DNAH2: variants seen among roughly 807,000 people sequenced by gnomAD.
The protein encoded by DNAH2 is axonemal beta dynein heavy chain 2.
DNAH2 carries 323 observed loss-of-function variants against 523.5 expected under a neutral mutation model. The observed-to-expected ratio is 0.62, with a 90% CI of 0.56 to 0.68. The LOEUF (loss-of-function observed/expected upper bound fraction) is 0.68, where lower values mean the gene tolerates loss of function less well. Ranked by LOEUF, DNAH2 falls within the 30% of genes least tolerant of loss-of-function variation. The pLI is 0.00. For missense variants in DNAH2, 4,907 were observed against 5,701.5 expected, an observed-to-expected ratio of 0.86 and a Z score of 4.49; for synonymous variants, 2,093 against 2,177.4, an observed-to-expected ratio of 0.96 and a Z score of 1.08.
chr17:7,719,974 A>T, intron 2 of DNAH2, 74 bp downstream of exon 2: 1 of 1,422,354 alleles, frequency 7.0e-7, no homozygotes. Flanking sequence ...GAGGCATTTT[A>T]GGGCTGGGGA....
At position 7,817,866 on chromosome 17, in the gene DNAH2, TG is replaced by T. The variant is rs561293718; in HGVS notation, c.10236+16del. The stretch of plus-strand genomic sequence containing the variant: ...CATGGAAGGAGGCCAGGTGTGAGGC[TG>T]GGGGGTCAGGTTAGCCCCCCCCTTC... On this transcript the variant is annotated intron_variant, in intron 67 of 85. Coordinates refer to ENST00000572933, the MANE Select transcript of DNAH2 (RefSeq NM_020877.5). 5 of 1,611,852 alleles carry T rather than the reference TG, an allele frequency of 3.1e-6. No homozygotes were observed. In the Middle Eastern group the frequency reaches 5.0e-4, roughly 160 times the overall value.
chr17:7,798,305 G>C lies in DNAH2; in HGVS notation c.8379G>C (p.Arg2793=). 4 of 1,611,770 alleles carry C rather than the reference G, an allele frequency of 2.5e-6. No homozygotes were observed. Among genetic ancestry groups the C allele is most frequent in the Non-Finnish European group, 3.4e-6 (4 of 1,178,212 alleles). The part of the protein sequence containing the change: ...TFQIEVTKHY[R]KQEFRDDIKR... Reference sequence around the variant, plus strand: ...AGATCGAGGTCACCAAACATTATCGGAAGCAGGAGTTCCGAGATGGTACGG... The same window carrying C: ...AGATCGAGGTCACCAAACATTATCGCAAGCAGGAGTTCCGAGATGGTACGG... Residue 2793 remains arginine (R), a synonymous_variant, in exon 54 of 86, where the codon CGG becomes CGC. Transcript: ENST00000572933. This position sits in a 1 kb window ranked among gnomAD's most constrained non-coding sequence, Gnocchi z 5.5.
At chr17:7,773,603 C>T (rs2076374317) in intron 28 of DNAH2, among the ~76,000 whole-genome samples, 1 of 152,184 alleles carries the variant, frequency 6.6e-6, no homozygotes, top group African/African-American at 2.4e-5. Flanking sequence ...ATGCTCTTTC[C>T]ATCTTAACTA....
At position 7,788,088 on chromosome 17, in the gene DNAH2, T is replaced by C. The variant is rs2076792824; in HGVS notation, c.6744T>C (p.Ala2248=). 2.5e-6 allele frequency: 4 copies of C among 1,614,170 alleles called. No homozygotes were observed. Among genetic ancestry groups the C allele is most frequent in the Admixed American group, 1.7e-5 (1 of 60,020 alleles). Residue 2248 remains alanine, a splice_region_variant and synonymous_variant, in exon 44 of 86, where the codon GCT becomes GCC. Coordinates refer to ENST00000572933, the MANE Select transcript of DNAH2 (RefSeq NM_020877.5). ...AGCCCCTTCTTATTCAACTCCAGGCTGAGGTGGAGCCCCTTCAACGCATGT... is the reference window on the plus strand; with the variant it reads ...AGCCCCTTCTTATTCAACTCCAGGCCGAGGTGGAGCCCCTTCAACGCATGT... ...VQSWLEKRPK[A]EVEPLQRMFE...
intron 8 of DNAH2, chr17:7,739,050 C>A (rs1474985071): frequency 1.4e-6 from 1 of 700,634 alleles, no homozygotes; most frequent in East Asian, 2.7e-5. Context: ...TAACAGCAGA[C>A]CCTCCAGAAT....
chr17:7,728,849 A>G (rs1469667318), intron 4 of DNAH2, among the ~76,000 whole-genome samples: 2 of 151,940 alleles, frequency 1.3e-5, no homozygotes, highest in African/African-American at 2.4e-5. Context: ...GCCAGGCATG[A>G]TGGTGCACAC....
intron 77 of DNAH2, among the ~76,000 whole-genome samples, 160 bp downstream of exon 77, chr17:7,824,887 A>G (rs1393113601): frequency 6.6e-6 from 1 of 152,102 alleles, no homozygotes; most frequent in South Asian, 2.1e-4. Flanking sequence ...CTAGAACACA[A>G]TAATAAGAGC....
intron 24 of DNAH2, among the ~76,000 whole-genome samples, chr17:7,769,795 T>G (rs1335188964): frequency 1.3e-5 from 2 of 152,266 alleles, no homozygotes; most frequent in Admixed American, 1.3e-4. Flanking sequence ...TCTTCCAGTA[T>G]AACGTTTTTG....
At chr17:7,820,430 C>T (rs979671336) in intron 72 of DNAH2, among the ~76,000 whole-genome samples, 1 of 152,200 alleles carries the variant, frequency 6.6e-6, no homozygotes, top group African/African-American at 2.4e-5. Flanking sequence ...TCTCCTGCCT[C>T]AGCCTCACCT....
In DNAH2 at chr17:7,832,796, G is replaced by A. The variant is rs760701734; in HGVS notation, c.12903+41G>A. On this transcript the variant is annotated intron_variant, in intron 83 of 85. Coordinates refer to ENST00000572933, the MANE Select transcript of DNAH2 (RefSeq NM_020877.5). The surrounding 1 kb of genome is among the most constrained non-coding windows in gnomAD (Gnocchi z 4.3). ...AGTGTGAGGGGGGGATGTATGCTGG[G>A]GCCATGTATGTGTTCTCCTCTTCAG... is the stretch of plus-strand genomic sequence containing the variant. 42 of 1,613,856 alleles carry A rather than the reference G, an allele frequency of 2.6e-5. No individual in the cohort carries two copies. The highest frequency in any genetic ancestry group is 3.4e-5 in the Non-Finnish European group (40 of 1,179,974).
chr17:7,797,101 C>CAA (rs75682576), intron 50 of DNAH2, 75 bp from the exon 51 acceptor site: 28,770 of 853,066 alleles, frequency 0.034, no homozygotes, highest in East Asian at 0.054. Context: ...GACTCTGTCC[C>CAA]AAAAAAAAAA....
rs768377251 is a variant in DNAH2 at position 7,819,023 on chromosome 17, C to A, written c.10775C>A (p.Thr3592Asn). The A allele has an allele frequency of 1.2e-6, 2 of 1,602,148 alleles. No individual in the cohort carries two copies. The highest frequency in any genetic ancestry group is 1.7e-6 in the Non-Finnish European group (2 of 1,176,268). Reference protein sequence around the residue: ...TATEVTEQLETSETTEINTDL... With the variant: ...TATEVTEQLENSETTEINTDL... Reference sequence around the variant, plus strand: ...ACAGAGGTGACTGAGCAGCTGGAGACCAGTGAGACCACAGAGATCAACACT... The same window carrying A: ...ACAGAGGTGACTGAGCAGCTGGAGAACAGTGAGACCACAGAGATCAACACT... Residue 3592 changes from threonine (T) to asparagine (N), a missense_variant, in exon 71 of 86, where the codon ACC (threonine) becomes AAC (asparagine). Transcript: ENST00000572933.
rs563762963 is a variant in DNAH2 at position 7,739,794 on chromosome 17, G to T, written c.1232G>T (p.Cys411Phe). 515 of 1,613,858 alleles carry T rather than the reference G, an allele frequency of 3.2e-4. No homozygotes were observed. The highest frequency in any genetic ancestry group is 4.3e-4 in the Non-Finnish European group (504 of 1,180,032). ...WEDGKQGPLPCFFGAQGPQIT... is the reference protein window; with the variant it reads ...WEDGKQGPLPFFFGAQGPQIT... Reference sequence around the variant, plus strand: ...GATGGCAAGCAGGGTCCCCTTCCTTGCTTCTTTGGTGCCCAGGGGCCACAG... The same window carrying T: ...GATGGCAAGCAGGGTCCCCTTCCTTTCTTCTTTGGTGCCCAGGGGCCACAG... Residue 411 changes from cysteine (C) to phenylalanine (F), a missense_variant, in exon 9 of 86, where the codon TGC (cysteine) becomes TTC (phenylalanine). This residue lies in a region of DNAH2 where 2,806 missense variants were observed against 3,190.8 expected (regional missense o/e 0.88). Transcript: ENST00000572933.
Position 7,799,158 on chromosome 17 carries a change from ACAG to A in DNAH2, c.8617_8619del (p.Ser2873del). On this transcript the variant is annotated inframe_deletion, in exon 56 of 86. Transcript: ENST00000572933. ...GTGGAGCAGGTGCCTGAGTCATCGG[ACAG>A]CCTCTTCGCCTACCTCATTGAACGC... The A allele has an allele frequency of 6.2e-7, 1 of 1,614,178 alleles. No individual in the cohort carries two copies. Among genetic ancestry groups the A allele is most frequent in the Non-Finnish European group, 8.5e-7 (1 of 1,180,028 alleles).
chr17:7,771,041 C>A, intron 27 of DNAH2, 108 bp downstream of exon 27: 1 of 1,234,524 alleles, frequency 8.1e-7, no homozygotes, highest in Non-Finnish European at 1.1e-6. Flanking sequence ...CCTTTAAAGT[C>A]ACTCTTCATC....
At position 7,780,817 on chromosome 17, in the gene DNAH2, C is replaced by T. The variant is rs2076584988; in HGVS notation, c.6003+35C>T. 1.2e-6 allele frequency: 2 copies of T among 1,613,538 alleles called. No individual in the cohort carries two copies. Among genetic ancestry groups the T allele is most frequent in the Non-Finnish European group, 1.7e-6 (2 of 1,179,868 alleles). On this transcript the variant is annotated intron_variant, in intron 38 of 85. Transcript: ENST00000572933. This position sits in a 1 kb window ranked among gnomAD's most constrained non-coding sequence, Gnocchi z 4.4. The stretch of plus-strand genomic sequence containing the variant: ...GGACACAGCCTTTGGACCTGACTTC[C>T]ACTGTCACTGGACCTATGTCACTTC...
At chr17:7,791,890 T>G in intron 44 of DNAH2, 27 bp from the exon 45 acceptor site, 2 of 1,607,482 alleles carry the variant, frequency 1.2e-6, no homozygotes, top group South Asian at 2.2e-5. Flanking sequence ...ACAGGTGGGT[T>G]ATTTCCTCTT....
intron 63 of DNAH2, among the ~76,000 whole-genome samples, chr17:7,808,707 T>C (rs1296359245): frequency 1.3e-5 from 2 of 152,202 alleles, no homozygotes; most frequent in South Asian, 2.1e-4. Context: ...CCTCCTGGGT[T>C]CAAGAGATTC....
At position 7,824,282 on chromosome 17, in the gene DNAH2, C is replaced by T. The variant is rs752852583; in HGVS notation, c.11640C>T (p.Leu3880=). The T allele has an allele frequency of 2.0e-6, 3 of 1,533,190 alleles. No homozygotes were observed. Among genetic ancestry groups the T allele is most frequent in the African/African-American group, 2.8e-5 (2 of 71,798 alleles). The allele number at this position is 1,533,190 out of a possible 1,614,324, so 95.0% of individuals were successfully genotyped here. A position where few individuals can be genotyped will look rare whatever the true frequency, so the allele number is the denominator to read the frequency against. The change falls in exon 76 of 86, where the codon CTC becomes CTT. Residue 3880 remains leucine, a synonymous_variant. Coordinates refer to ENST00000572933, the MANE Select transcript of DNAH2 (RefSeq NM_020877.5). ...GQGQAPIAAR[L]LREGVTQGHW... ...GCCAGGCCCCCATCGCTGCTCGGCT[C>T]CTCCGAGAGGGTGTGACTCAGGGTT...
Sources: gnomAD v4.1 joint callset for allele counts (sites outside exome capture counted in the v4.1 genomes callset) on GRCh38, gnomAD v4.1.1 for gene constraint, gnomAD v4.1.1 regional missense constraint, Gnocchi (gnomAD v3.1) non-coding constraint, MANE v1.5 for transcripts, NCBI Gene and HGNC (gene_info 2026-07-23, HGNC 2026-07-21) for gene names.